Variants in ATG5 observed in about 807,000 individuals in gnomAD.
ATG5 encodes autophagy related 5.
In ATG5, 14 loss-of-function variants were observed where a neutral mutation model predicts 36.5. The ratio of observed to expected loss-of-function variants is 0.38; its 90% CI spans 0.25 to 0.60. The LOEUF is 0.60. ATG5 is among the 20% of genes least tolerant of loss of function. ATG5 has a pLI of 0.60. For missense variants in ATG5, 195 were observed against 326.7 expected, an observed-to-expected ratio of 0.60 and a Z score of 3.11; for synonymous variants, 95 against 101.5, an observed-to-expected ratio of 0.94 and a Z score of 0.38.
At chr6:106,191,941 A>C (rs910360373) in intron 7 of ATG5, among the ~76,000 whole-genome samples, 1 of 152,184 alleles carries the variant, frequency 6.6e-6, no homozygotes, top group South Asian at 2.1e-4. Flanking sequence ...GGGCTGTAAG[A>C]ATTTGGCCTC....
intron 4 of ATG5, among the ~76,000 whole-genome samples, chr6:106,291,915 C>T (rs889677034): frequency 7.9e-5 from 12 of 152,154 alleles, no homozygotes; most frequent in African/African-American, 2.4e-4. Flanking sequence ...TAAATGTACA[C>T]GGAAATAAGC....
At chr6:106,308,893 GTATACTTTGACT>G (rs1441315997) in intron 2 of ATG5, among the ~76,000 whole-genome samples, 1 of 152,102 alleles carries the variant, frequency 6.6e-6, no homozygotes, top group Non-Finnish European at 1.5e-5. Context: ...AAGTTCTAAA[GTATACTTTGACT>G]TATCAATCAA....
At chr6:106,248,924 G>A (rs1582608025) in intron 5 of ATG5, among the ~76,000 whole-genome samples, 2 of 152,170 alleles carry the variant, frequency 1.3e-5, no homozygotes, top group East Asian at 3.9e-4. Flanking sequence ...GGCAACAAGA[G>A]CGAAACTCCG....
chr6:106,257,324 T>C (rs1214628433), intron 5 of ATG5, among the ~76,000 whole-genome samples: 2 of 152,230 alleles, frequency 1.3e-5, no homozygotes, highest in Non-Finnish European at 2.9e-5. Context: ...AACATAGTCG[T>C]TTATCATTAT....
chr6:106,323,314 G>A (rs1447799426), intron 1 of ATG5, among the ~76,000 whole-genome samples: 4 of 131,524 alleles, frequency 3.0e-5, no homozygotes, highest in South Asian at 5.0e-4. Flanking sequence ...CTGTCACCCA[G>A]GATGGACTAC....
intron 4 of ATG5, among the ~76,000 whole-genome samples, chr6:106,290,549 T>C (rs1012554269): frequency 5.9e-5 from 9 of 152,066 alleles, no homozygotes; most frequent in Non-Finnish European, 8.8e-5. Flanking sequence ...ACTTCTGGGC[T>C]CAAGCAATCC....
rs373808252 is a variant in ATG5 at position 106,242,940 on chromosome 6, G to A, written c.573+5210C>T. Reference sequence around the variant, plus strand: ...GAGGGGAAGAATCCTAACAAACATGGCCATAATTTGCCACATATTTCTACT... The same window carrying A: ...GAGGGGAAGAATCCTAACAAACATGACCATAATTTGCCACATATTTCTACT... On this transcript the variant is annotated intron_variant, in intron 6 of 7. Coordinates refer to ENST00000369076, the MANE Select transcript of ATG5 (RefSeq NM_004849.4). Among the ~76,000 whole-genome samples, 3 of 152,192 alleles carry A rather than the reference G, an allele frequency of 2.0e-5. No homozygotes were observed. The East Asian group carries it at 5.8e-4, about 29-fold the overall frequency.
chr6:106,241,031 T>C (rs1160755212), intron 6 of ATG5, among the ~76,000 whole-genome samples: 1 of 152,148 alleles, frequency 6.6e-6, no homozygotes, highest in Non-Finnish European at 1.5e-5. Flanking sequence ...TGGGCACCTG[T>C]AGTCCCAGCT....
rs1246363515 is a variant in ATG5 at position 106,295,816 on chromosome 6, G to A, written c.237-2710C>T. Among the ~76,000 whole-genome samples, 3 of 151,826 alleles carry A rather than the reference G, an allele frequency of 2.0e-5. No individual in the cohort carries two copies. In the East Asian group the frequency reaches 5.8e-4, roughly 29 times the overall value. On this transcript the variant is annotated intron_variant, in intron 3 of 7. Coordinates refer to ENST00000369076, the MANE Select transcript of ATG5 (RefSeq NM_004849.4). The stretch of plus-strand genomic sequence containing the variant: ...TGGACTCAAGCAATACTCCCACCTT[G>A]GCCACCCAAAGTAATGAGATTATAG...
At chr6:106,316,638 G>T (rs1770862078) in intron 1 of ATG5, among the ~76,000 whole-genome samples, 1 of 152,018 alleles carries the variant, frequency 6.6e-6, no homozygotes, top group Admixed American at 6.6e-5. Context: ...CAACTCCAAA[G>T]GATCATTCTC....
chr6:106,239,095 T>C (rs1778007414), intron 6 of ATG5, among the ~76,000 whole-genome samples: 2 of 152,016 alleles, frequency 1.3e-5, no homozygotes, highest in African/African-American at 4.8e-5. Context: ...CAGAAAAGTC[T>C]ACTAGAACCA....
intron 5 of ATG5, among the ~76,000 whole-genome samples, chr6:106,272,945 G>A (rs1040278907): frequency 1.3e-5 from 2 of 152,148 alleles, no homozygotes; most frequent in Non-Finnish European, 2.9e-5. Flanking sequence ...AATAATAGAT[G>A]AAACAAGGCT....
intron 5 of ATG5, among the ~76,000 whole-genome samples, chr6:106,264,828 G>A (rs1779166425): frequency 6.6e-6 from 1 of 151,970 alleles, no homozygotes; most frequent in African/African-American, 2.4e-5. Context: ...TGCCCTACAA[G>A]AGCTCCTGAA....
At chr6:106,231,931 A>T (rs1777710692) in intron 6 of ATG5, among the ~76,000 whole-genome samples, 2 of 152,206 alleles carry the variant, frequency 1.3e-5, no homozygotes, top group Admixed American at 1.3e-4. Context: ...CAAATGCCTA[A>T]TAGGGTTTGC....
At chr6:106,268,126 T>G (rs1179998781) in intron 5 of ATG5, among the ~76,000 whole-genome samples, 6 of 152,128 alleles carry the variant, frequency 3.9e-5, no homozygotes, top group Non-Finnish European at 7.4e-5. Flanking sequence ...ATTTCTGCAA[T>G]CTACCTATCA....
chr6:106,305,079 A>T (rs1462420057), intron 3 of ATG5, among the ~76,000 whole-genome samples: 1 of 146,076 alleles, frequency 6.8e-6, no homozygotes, highest in South Asian at 2.2e-4. Context: ...CGACAAGAGC[A>T]AAACTCCGTC....
intron 6 of ATG5, among the ~76,000 whole-genome samples, chr6:106,206,035 G>A (rs567528377): frequency 5.3e-5 from 8 of 152,196 alleles, no homozygotes; most frequent in South Asian, 2.1e-4. Flanking sequence ...CAATCAGGAC[G>A]ACAAAAAAAT....
At chr6:106,310,421 A>T (rs577602086) in intron 2 of ATG5, among the ~76,000 whole-genome samples, 49 of 152,270 alleles carry the variant, frequency 3.2e-4, no homozygotes, top group South Asian at 1.0e-3. Flanking sequence ...CAATTTACCT[A>T]GGAAATATTT....
At chr6:106,304,857 C>T (rs1434790026) in intron 3 of ATG5, among the ~76,000 whole-genome samples, 1 of 152,046 alleles carries the variant, frequency 6.6e-6, no homozygotes, top group African/African-American at 2.4e-5. Flanking sequence ...TTTGGGAGGC[C>T]CAGGCAGGTG....
Sources: allele counts gnomAD v4.1 joint callset (sites outside exome capture counted in the v4.1 genomes callset), GRCh38; gene constraint gnomAD v4.1.1; transcripts MANE v1.5; gene names NCBI Gene and HGNC (gene_info 2026-07-23, HGNC 2026-07-21).